EYS: variants seen among roughly 807,000 people sequenced by gnomAD.
The protein encoded by EYS is protein eyes shut homolog.
EYS carries 250 observed loss-of-function variants against 282.1 expected under a neutral mutation model. That is an observed-to-expected ratio of 0.89 (90% CI 0.80 to 0.98). The LOEUF (loss-of-function observed/expected upper bound fraction) is 0.98. Among genes scored for constraint, EYS ranks in the 50% least tolerant of loss-of-function variants. EYS has a pLI of 0.00. For synonymous variants in EYS, 1,355 were observed against 1,282.9 expected, an observed-to-expected ratio of 1.06 and a Z score of -1.20; for missense variants, 4,016 against 3,709.0, an observed-to-expected ratio of 1.08 and a Z score of -2.15.
At chr6:64,246,879 G>A (rs1314063505) in intron 30 of EYS, among the ~76,000 whole-genome samples, 2 of 152,012 alleles carry the variant, frequency 1.3e-5, no homozygotes, top group Non-Finnish European at 2.9e-5. Context: ...AGATTTTTGA[G>A]GGAATGCAGG....
At chr6:64,022,481 C>A (rs1769239338) in intron 33 of EYS, among the ~76,000 whole-genome samples, 1 of 152,056 alleles carries the variant, frequency 6.6e-6, no homozygotes, top group East Asian at 1.9e-4. Flanking sequence ...TAATGTTATG[C>A]AAATATCATT....
intron 41 of EYS, among the ~76,000 whole-genome samples, chr6:63,733,610 T>C (rs1195252013): frequency 1.3e-5 from 2 of 152,140 alleles, no homozygotes; most frequent in Non-Finnish European, 2.9e-5. Context: ...GCTTGCAACA[T>C]TTTCAATGAT....
At chr6:63,902,608 AG>A (rs1773683866) in intron 35 of EYS, among the ~76,000 whole-genome samples, 1 of 152,198 alleles carries the variant, frequency 6.6e-6, no homozygotes, top group Non-Finnish European at 1.5e-5. Flanking sequence ...GGAGGAAAAA[AG>A]CTATAAAAGA....
chr6:65,477,187 T>C (rs2127250762), intron 5 of EYS, among the ~76,000 whole-genome samples: 1 of 152,260 alleles, frequency 6.6e-6, no homozygotes, highest in South Asian at 2.1e-4. Context: ...TTTCAAGTTT[T>C]TGTACTAAAT....
chr6:64,749,910 C>G (rs1314951878), intron 22 of EYS, among the ~76,000 whole-genome samples: 3 of 151,758 alleles, frequency 2.0e-5, no homozygotes, highest in Non-Finnish European at 4.4e-5. Flanking sequence ...TTTAATATTG[C>G]TAATAATAGA....
In EYS at chr6:65,264,151, GT is replaced by G. The variant is rs546968342; in HGVS notation, c.2023+31711del. 2.1e-3 allele frequency among the ~76,000 whole-genome samples: 324 copies of G among 152,152 alleles called. 1 individual carries two copies. Among genetic ancestry groups the G allele is most frequent in the African/African-American group, 7.2e-3 (298 of 41,534 alleles). On this transcript the variant is annotated intron_variant, in intron 12 of 42. Coordinates refer to ENST00000503581, the MANE Select transcript of EYS (RefSeq NM_001142800.2). ...CTGCATTTCTGGTAACCAATGATAT[GT>G]CTTTCCAGTTGTTATACCTAGCAAG...
intron 34 of EYS, among the ~76,000 whole-genome samples, chr6:63,990,114 TG>T (rs1272347737): frequency 6.6e-6 from 1 of 151,636 alleles, no homozygotes; most frequent in Non-Finnish European, 1.5e-5. Context: ...AAAAGAAGTA[TG>T]TGGGATTACT....
intron 14 of EYS, among the ~76,000 whole-genome samples, chr6:64,991,870 G>C (rs1023255587): frequency 6.6e-6 from 1 of 151,546 alleles, no homozygotes; most frequent in African/African-American, 2.4e-5. Flanking sequence ...CCTCTTTAAG[G>C]TACTAAATAA....
chr6:65,005,001 C>T lies in EYS; in HGVS notation c.2138-7298G>A, dbSNP rs563716878. Among the ~76,000 whole-genome samples, 21 of 148,138 alleles carry T rather than the reference C, an allele frequency of 1.4e-4. 1 individual carries two copies. The highest frequency in any genetic ancestry group is 4.8e-4 in the African/African-American group (20 of 41,360). ...AGAAAGTAGATTATTGGGCAACCCC[C>T]TTTGGGTCCCCTCCCTTTGCATGGG... is the stretch of plus-strand genomic sequence containing the variant. On this transcript the variant is annotated intron_variant, in intron 13 of 42. Transcript: ENST00000503581.
intron 22 of EYS, among the ~76,000 whole-genome samples, chr6:64,735,319 G>T (rs746358587): frequency 6.6e-6 from 1 of 152,102 alleles, no homozygotes; most frequent in African/African-American, 2.4e-5. Context: ...TCCTGACCTC[G>T]TGATCAGCCT....
At chr6:64,392,663 C>T (rs1291308820) in intron 28 of EYS, among the ~76,000 whole-genome samples, 5 of 150,404 alleles carry the variant, frequency 3.3e-5, no homozygotes, top group Non-Finnish European at 5.9e-5. Flanking sequence ...TAAATGCCCA[C>T]AAGAGAAAGC....
In EYS at chr6:64,939,817, T is replaced by G. The variant is rs574786827; in HGVS notation, c.2381+5976A>C. 7.2e-5 allele frequency among the ~76,000 whole-genome samples: 11 copies of G among 152,088 alleles called. No individual in the cohort carries two copies. In the South Asian group the frequency reaches 2.3e-3, roughly 32 times the overall value. ...GGTTTAGAGCTAGGTGTAAGTGTTC[T>G]TCTGATGACCATTTCAACAATTTCA... On this transcript the variant is annotated intron_variant, in intron 15 of 42. Coordinates refer to ENST00000503581, the MANE Select transcript of EYS (RefSeq NM_001142800.2).
intron 30 of EYS, among the ~76,000 whole-genome samples, chr6:64,255,940 C>T (rs951404300): frequency 6.6e-6 from 1 of 151,824 alleles, no homozygotes; most frequent in African/African-American, 2.4e-5. Flanking sequence ...AAAAAAAGTT[C>T]ATTGGTCTTC....
intron 12 of EYS, among the ~76,000 whole-genome samples, chr6:65,062,337 T>A (rs1048948485): frequency 6.6e-6 from 1 of 151,974 alleles, no homozygotes; most frequent in Non-Finnish European, 1.5e-5. Context: ...TATTAGTAAA[T>A]CTTTGCAACT....
intron 12 of EYS, among the ~76,000 whole-genome samples, chr6:65,252,662 G>A (rs1439835133): frequency 6.6e-6 from 1 of 151,888 alleles, no homozygotes; most frequent in Non-Finnish European, 1.5e-5. Flanking sequence ...GAATTTATCT[G>A]ACAAACACTT....
At chr6:65,519,622 T>G (rs1473640052) in intron 2 of EYS, among the ~76,000 whole-genome samples, 2 of 145,124 alleles carry the variant, frequency 1.4e-5, no homozygotes, top group Non-Finnish European at 3.0e-5. Flanking sequence ...TCTCTATTAG[T>G]CTGCATTCAT....
intron 29 of EYS, among the ~76,000 whole-genome samples, chr6:64,314,326 A>G (rs1023930968): frequency 5.9e-5 from 9 of 152,246 alleles, no homozygotes; most frequent in Admixed American, 5.9e-4. Context: ...TGCAACAGGA[A>G]GAGCTAACTA....
chr6:65,082,375 A>G lies in EYS; in HGVS notation c.2024-24648T>C, dbSNP rs1030880414. On this transcript the variant is annotated intron_variant, in intron 12 of 42. Coordinates refer to ENST00000503581, the MANE Select transcript of EYS (RefSeq NM_001142800.2). Reference sequence around the variant, plus strand: ...CTATATTAAAAATACAAAACCATGAATACTTATATTATTGCTTATTACTCC... The same window carrying G: ...CTATATTAAAAATACAAAACCATGAGTACTTATATTATTGCTTATTACTCC... Among the ~76,000 whole-genome samples, 3 of 152,112 alleles carry G rather than the reference A, an allele frequency of 2.0e-5. No homozygotes were observed. In the East Asian group the frequency reaches 5.8e-4, roughly 29 times the overall value.
intron 1 of EYS, among the ~76,000 whole-genome samples, chr6:65,675,857 T>A (rs1768569042): frequency 6.6e-6 from 1 of 151,864 alleles, no homozygotes; most frequent in African/African-American, 2.4e-5. Flanking sequence ...TGCAACACAA[T>A]CTTAAGAAAT....
Sources: allele counts gnomAD v4.1 joint callset (sites outside exome capture counted in the v4.1 genomes callset), GRCh38; gene constraint gnomAD v4.1.1; transcripts MANE v1.5; gene names NCBI Gene and HGNC (gene_info 2026-07-23, HGNC 2026-07-21).